The following CATSPERD variants were observed in gnomAD, a reference collection of about 807,000 sequenced individuals.
CATSPERD encodes the protein catsper channel auxiliary subunit delta.
In CATSPERD, 86 loss-of-function variants were observed where a neutral mutation model predicts 98.1. That is an observed-to-expected ratio of 0.88 (90% CI 0.74 to 1.05). CATSPERD has a LOEUF of 1.05. Among genes scored for constraint, CATSPERD ranks in the 50% least tolerant of loss-of-function variants. CATSPERD has a pLI of 0.00. For synonymous variants in CATSPERD, 394 were observed against 390.2 expected (o/e 1.01, Z -0.12); for missense variants, 995 against 1,005.7 (o/e 0.99, Z 0.14).
intron 21 of CATSPERD, among the ~76,000 whole-genome samples, chr19:5,777,500 C>T (rs2056757966): frequency 6.6e-6 from 1 of 152,238 alleles, no homozygotes; most frequent in South Asian, 2.1e-4. Flanking sequence ...GCCCCTTCCG[C>T]CCTCTCTAGC....
At chr19:5,740,104 A>G (rs2055928380) in intron 7 of CATSPERD, among the ~76,000 whole-genome samples, 1 of 151,582 alleles carries the variant, frequency 6.6e-6, no homozygotes, top group Non-Finnish European at 1.5e-5. Flanking sequence ...TAACATGGAG[A>G]AACCCCGTCT....
At chr19:5,773,016 G>A (rs2056679612) in intron 20 of CATSPERD, 51 bp downstream of exon 20, 4 of 1,576,926 alleles carry the variant, frequency 2.5e-6, no homozygotes, top group South Asian at 2.3e-5. Flanking sequence ...CCACCAGGGG[G>A]TGGGAGAGTG....
chr19:5,747,320 C>T (rs574133084), intron 9 of CATSPERD, among the ~76,000 whole-genome samples: 4 of 151,442 alleles, frequency 2.6e-5, no homozygotes, highest in Admixed American at 1.3e-4. Context: ...ACTACAGGTG[C>T]GCCACCATGC....
At chr19:5,759,940 G>A (rs1251163246) in intron 15 of CATSPERD, among the ~76,000 whole-genome samples, 1 of 151,396 alleles carries the variant, frequency 6.6e-6, no homozygotes, top group Middle Eastern at 3.2e-3. Flanking sequence ...AGCCGGGCAT[G>A]GTGGTATGCG....
At chr19:5,771,111 G>T (rs2056636015) in intron 19 of CATSPERD, 39 bp downstream of exon 19, 1 of 1,597,024 alleles carries the variant, frequency 6.3e-7, no homozygotes, top group Non-Finnish European at 8.5e-7. Flanking sequence ...GGGGACGGTG[G>T]CAGGGCCTCA....
At chr19:5,736,382 C>T (rs528423253) in intron 5 of CATSPERD, among the ~76,000 whole-genome samples, 176 of 152,290 alleles carry the variant, frequency 1.2e-3, no homozygotes, top group African/African-American at 4.1e-3. Flanking sequence ...ACCATCTGCT[C>T]CCAAATTTCA....
intron 3 of CATSPERD, 60 bp downstream of exon 3, chr19:5,727,404 C>A: frequency 3.0e-6 from 3 of 1,011,092 alleles, no homozygotes; most frequent in Non-Finnish European, 4.3e-6. Flanking sequence ...AGATTTGCCC[C>A]ATTCATTCGT....
In CATSPERD at chr19:5,746,108, T is replaced by C. The variant is rs1327305655; in HGVS notation, c.808+45T>C. The C allele has an allele frequency of 2.5e-6, 4 of 1,587,064 alleles. No homozygotes were observed. The African/African-American group carries it at 4.1e-5, about 16-fold the overall frequency. On this transcript the variant is annotated intron_variant, in intron 9 of 21. Coordinates refer to ENST00000381624, the MANE Select transcript of CATSPERD (RefSeq NM_152784.4). Reference sequence around the variant, plus strand: ...GTGGGGCTGCCGCCTGGTGGCCTCCTCCAGAGGGGCCGAGTACAGCCTGGA... The same window carrying C: ...GTGGGGCTGCCGCCTGGTGGCCTCCCCCAGAGGGGCCGAGTACAGCCTGGA...
At chr19:5,776,052 C>T (rs10417703) in intron 20 of CATSPERD, 109 bp from the exon 21 acceptor site, 212,416 of 1,184,254 alleles carry the variant, frequency 0.18, 22,913 homozygotes, top group East Asian at 0.49. Flanking sequence ...CCCACCCATG[C>T]GTGCCTAATG....
rs2055435739 is a variant in CATSPERD at position 5,720,637 on chromosome 19, A to G, written c.-101A>G. 3 of 1,192,590 alleles carry G rather than the reference A, an allele frequency of 2.5e-6. No individual in the cohort carries two copies. Among genetic ancestry groups the G allele is most frequent in the Admixed American group, 2.0e-5 (1 of 49,854 alleles). 73.9% of individuals were successfully genotyped at this position (1,192,590 alleles called of 1,614,324 possible). A position where few individuals can be genotyped will look rare whatever the true frequency, so the allele number is the denominator to read the frequency against. On this transcript the variant is annotated 5_prime_UTR_variant, in exon 1 of 22. Coordinates refer to ENST00000381624, the MANE Select transcript of CATSPERD (RefSeq NM_152784.4). ...GCGCGGAGGCCCGCTCCCGGGACTCATTGATGCGCATGCGCAGGGCTTCAG... is the reference window on the plus strand; with the variant it reads ...GCGCGGAGGCCCGCTCCCGGGACTCGTTGATGCGCATGCGCAGGGCTTCAG...
chr19:5,764,188 C>G (rs558008444), intron 16 of CATSPERD, among the ~76,000 whole-genome samples: 1 of 151,680 alleles, frequency 6.6e-6, no homozygotes, highest in South Asian at 2.1e-4. Context: ...CCTGCCTCAG[C>G]CTCCCAAAGT....
At chr19:5,727,237 T>C in intron 2 of CATSPERD, 31 bp from the exon 3 acceptor site, 2 of 1,511,786 alleles carry the variant, frequency 1.3e-6, no homozygotes, top group South Asian at 1.1e-5. Context: ...TGGTTATTGA[T>C]ATTATTAAGA....
At position 5,772,772 on chromosome 19, in the gene CATSPERD, C is replaced by T. The variant is rs777630036; in HGVS notation, c.1764-16C>T. The T allele has an allele frequency of 6.8e-6, 11 of 1,610,976 alleles. No individual in the cohort carries two copies. Among genetic ancestry groups the T allele is most frequent in the South Asian group, 3.3e-5 (3 of 90,438 alleles). On this transcript the variant is annotated splice_polypyrimidine_tract_variant and intron_variant, in intron 19 of 21. Coordinates refer to ENST00000381624, the MANE Select transcript of CATSPERD (RefSeq NM_152784.4). ...CCCTGCTCCCTGCACAGCCCTGCCC[C>T]GTGCCTGTGTCCTAGGTGGCGAAAA...
intron 1 of CATSPERD, among the ~76,000 whole-genome samples, chr19:5,724,496 A>C (rs2055565478): frequency 1.3e-5 from 2 of 152,078 alleles, no homozygotes; most frequent in African/African-American, 4.8e-5. Flanking sequence ...TCAGGAGTTC[A>C]GGACCAGCCT....
intron 13 of CATSPERD, among the ~76,000 whole-genome samples, chr19:5,754,933 C>T (rs1203799418): frequency 6.6e-6 from 1 of 151,664 alleles, no homozygotes; most frequent in Non-Finnish European, 1.5e-5. Flanking sequence ...TAACCTCTGC[C>T]TCCCGGGTTC....
intron 6 of CATSPERD, 103 bp from the exon 7 acceptor site, chr19:5,739,223 A>G (rs1286164267): frequency 4.2e-6 from 3 of 706,242 alleles, no homozygotes; most frequent in Non-Finnish European, 4.9e-6. Flanking sequence ...CCAGACATCC[A>G]GGTTTTTTTC....
At chr19:5,725,406 C>T (rs555788092) in intron 2 of CATSPERD, among the ~76,000 whole-genome samples, 1 of 152,296 alleles carries the variant, frequency 6.6e-6, no homozygotes, top group East Asian at 1.9e-4. Flanking sequence ...CTGCCTCAGC[C>T]TCCCAAAGTG....
At chr19:5,765,709 A>G (rs2485271) in intron 16 of CATSPERD, among the ~76,000 whole-genome samples, 121,912 of 151,694 alleles carry the variant, frequency 0.8, 49,367 homozygotes, top group Non-Finnish European at 0.86. Context: ...CTACTTGGGA[A>G]GCTGAGGCAG....
chr19:5,762,058 A>ATATATATATATATAT, intron 15 of CATSPERD, among the ~76,000 whole-genome samples: 4 of 10,438 alleles, frequency 3.8e-4, no homozygotes, highest in East Asian at 2.9e-3. Context: ...ATATATATAT[A>ATATATATATATATAT]TTTTTTTTTT....
Sources: allele counts gnomAD v4.1 joint callset (sites outside exome capture counted in the v4.1 genomes callset), GRCh38; gene constraint gnomAD v4.1.1; transcripts MANE v1.5; gene names NCBI Gene and HGNC (gene_info 2026-07-23, HGNC 2026-07-21).